PWWP2A: variants seen among roughly 807,000 people sequenced by gnomAD.
PWWP2A encodes the protein PWWP domain-containing protein 2A.
Under a neutral mutation model 48.5 loss-of-function variants are expected in PWWP2A, and 18 were observed. The observed-to-expected ratio is 0.37, with a 90% CI of 0.26 to 0.55. The LOEUF is 0.55. PWWP2A is among the 20% of genes least tolerant of loss of function. The pLI, the probability that PWWP2A is intolerant of heterozygous loss-of-function variation, is 0.81. For missense variants in PWWP2A, 867 were observed against 976.4 expected, an observed-to-expected ratio of 0.89 and a Z score of 1.49; for synonymous variants, 396 against 387.7, an observed-to-expected ratio of 1.02 and a Z score of -0.25.
At chr5:160,065,465 C>G (rs1372998178) in intron 4 of PWWP2A, 1 of 456,326 alleles carries the variant, frequency 2.2e-6, no homozygotes, top group East Asian at 6.9e-5. Context: ...CTGCTGTCCC[C>G]TCCCTGATCA....
the PWWP2A span, among the ~76,000 whole-genome samples, chr5:160,055,506 G>A: frequency 1.3e-5 from 2 of 152,198 alleles, no homozygotes; most frequent in African/African-American, 4.8e-5. Context: ...TTAACCTTTT[G>A]GAGCTGCATC....
chr5:160,084,830 G>A (rs540209035), intron 2 of PWWP2A, among the ~76,000 whole-genome samples: 7 of 151,886 alleles, frequency 4.6e-5, no homozygotes, highest in Non-Finnish European at 1.0e-4. Context: ...TCAACTCGAT[G>A]ACACTTTCAC....
chr5:160,119,364 C>T lies in PWWP2A; in HGVS notation c.25G>A (p.Ala9Thr). ...TCCCCGGGGGACGCTGCAGTCGCTG[C>T]CGCCTCTGCAGCCACGGCCGCCATT... MAAVAAEA[A>T]ATAASPGEGG... Residue 9 changes from alanine (A) to threonine (T), a missense_variant, in exon 1 of 2, where the codon GCA (alanine) becomes ACA (threonine). This residue lies in a region of PWWP2A where 385 missense variants were observed against 396.9 expected (regional missense o/e 0.97). Coordinates refer to ENST00000307063, the MANE Select transcript of PWWP2A (RefSeq NM_001130864.2). 1 of 1,345,762 alleles carries T rather than the reference C, an allele frequency of 7.4e-7. No homozygotes were observed. Among genetic ancestry groups the T allele is most frequent in the Non-Finnish European group, 9.5e-7 (1 of 1,047,262 alleles). The allele number at this position is 1,345,762 out of a possible 1,614,324, so 83.4% of individuals were successfully genotyped here. A position where few individuals can be genotyped will look rare whatever the true frequency, so the allele number is the denominator to read the frequency against.
chr5:160,067,365 C>A (rs1263550168), intron 2 of PWWP2A, among the ~76,000 whole-genome samples: 1 of 152,064 alleles, frequency 6.6e-6, no homozygotes, highest in African/African-American at 2.4e-5. Flanking sequence ...ACCTATGGAT[C>A]CTTGGACTAC....
chr5:160,090,775 T>C (rs1754997686), downstream of PWWP2A: 1 of 965,566 alleles, frequency 1.0e-6, no homozygotes, highest in Non-Finnish European at 1.2e-6. Flanking sequence ...CTAAAAGTAT[T>C]GAAATTAGAT....
chr5:160,091,974 GT>G lies in PWWP2A; in HGVS notation c.*407del. On this transcript the variant is annotated 3_prime_UTR_variant, in exon 2 of 2. Transcript: ENST00000307063. Reference sequence around the variant, plus strand: ...GGCTGTATTTCATATATATATATGTGTATATATACATATATATGTGTGTATA... The same window carrying G: ...GGCTGTATTTCATATATATATATGTGATATATACATATATATGTGTGTATA... 1 of 771,448 alleles carries G rather than the reference GT, an allele frequency of 1.3e-6. No homozygotes were observed. The highest frequency in any genetic ancestry group is 1.6e-6 in the Non-Finnish European group (1 of 643,384). The allele number at this position is 771,448 out of a possible 1,614,324, so 47.8% of individuals were successfully genotyped here. A position where few individuals can be genotyped will look rare whatever the true frequency, so the allele number is the denominator to read the frequency against.
chr5:160,102,276 C>CA (rs1199378727), intron 1 of PWWP2A, among the ~76,000 whole-genome samples: 1 of 151,050 alleles, frequency 6.6e-6, no homozygotes. Context: ...GGGGTGGTGA[C>CA]AGACACCTGT....
intron 1 of PWWP2A, among the ~76,000 whole-genome samples, chr5:160,107,372 A>C (rs1418575244): frequency 1.3e-5 from 2 of 152,214 alleles, no homozygotes; most frequent in Non-Finnish European, 2.9e-5. Flanking sequence ...AATATAACTT[A>C]ATCTCCAATT....
intron 1 of PWWP2A, among the ~76,000 whole-genome samples, chr5:160,100,323 A>T (rs959813931): frequency 2.6e-5 from 4 of 152,000 alleles, no homozygotes; most frequent in South Asian, 2.1e-4. Context: ...ATAATAATAA[A>T]AATAAATAAA....
At chr5:160,083,740 C>A (rs1754414143) in intron 2 of PWWP2A, among the ~76,000 whole-genome samples, 1 of 152,120 alleles carries the variant, frequency 6.6e-6, no homozygotes, top group Non-Finnish European at 1.5e-5. Context: ...CAGAATTGCT[C>A]ATCATTCATT....
intron 1 of PWWP2A, among the ~76,000 whole-genome samples, chr5:160,109,006 T>TAG (rs1554104716): frequency 6.6e-6 from 1 of 152,100 alleles, no homozygotes; most frequent in East Asian, 1.9e-4. Flanking sequence ...TGTCTTCAGA[T>TAG]AGAGTCTCAC....
downstream of PWWP2A, among the ~76,000 whole-genome samples, chr5:160,074,522 G>A (rs191818285): frequency 2.8e-4 from 42 of 152,090 alleles, no homozygotes; most frequent in Admixed American, 1.3e-3. Flanking sequence ...CGAGGCAGGC[G>A]GATCACCTGA....
chr5:160,061,051 GT>G (rs1753372589), downstream of PWWP2A, among the ~76,000 whole-genome samples: 1 of 152,236 alleles, frequency 6.6e-6, no homozygotes, highest in Admixed American at 6.5e-5. Context: ...CAAGCTGTCA[GT>G]GGCCTCCTGT....
At chr5:160,090,160 CAACA>C, downstream of PWWP2A, 1 of 984,884 alleles carries the variant, frequency 1.0e-6, no homozygotes, top group South Asian at 4.7e-5. Flanking sequence ...TTTTTATATT[CAACA>C]ATCATGTTTT....
intron 1 of PWWP2A, among the ~76,000 whole-genome samples, chr5:160,110,025 T>C (rs905695402): frequency 2.6e-5 from 4 of 151,028 alleles, no homozygotes; most frequent in Non-Finnish European, 5.9e-5. Flanking sequence ...AGTCCTTTTT[T>C]TTTTTCTTTT....
chr5:160,115,826 G>A (rs1321580592), intron 1 of PWWP2A, among the ~76,000 whole-genome samples: 10 of 151,818 alleles, frequency 6.6e-5, no homozygotes, highest in African/African-American at 1.9e-4. Context: ...GCAACATAGC[G>A]AGACCCTGCC....
chr5:160,070,196 G>A (rs534023229), intron 2 of PWWP2A, among the ~76,000 whole-genome samples: 1 of 152,312 alleles, frequency 6.6e-6, no homozygotes, highest in Admixed American at 6.5e-5. Context: ...GCTGGGTGCA[G>A]TGGCTCACAC....
At chr5:160,090,835 A>T (rs184024601), downstream of PWWP2A, 53 of 984,342 alleles carry the variant, frequency 5.4e-5, no homozygotes, top group African/African-American at 8.5e-4. Context: ...AAATCTTGAG[A>T]TAAACTTGCC....
At chr5:160,114,000 C>T (rs1757849285) in intron 1 of PWWP2A, among the ~76,000 whole-genome samples, 1 of 152,112 alleles carries the variant, frequency 6.6e-6, no homozygotes, top group Non-Finnish European at 1.5e-5. Context: ...AAAAACATTA[C>T]CAAGGTTATA....
Sources: gnomAD v4.1 joint callset for allele counts (sites outside exome capture counted in the v4.1 genomes callset) on GRCh38, gnomAD v4.1.1 for gene constraint, gnomAD v4.1.1 regional missense constraint, MANE v1.5 for transcripts, NCBI Gene and HGNC (gene_info 2026-07-23, HGNC 2026-07-21) for gene names.